CNNM1: variants seen among roughly 807,000 people sequenced by gnomAD.
CNNM1 encodes cyclin and CBS domain divalent metal cation transport mediator 1, also known as metal transporter CNNM1.
In CNNM1, 44 loss-of-function variants were observed where a neutral mutation model predicts 78.8. The ratio of observed to expected loss-of-function variants is 0.56; its 90% CI spans 0.44 to 0.72. The LOEUF (loss-of-function observed/expected upper bound fraction) is 0.72. Ranked by LOEUF, CNNM1 falls within the 30% of genes least tolerant of loss-of-function variation. The probability of loss-of-function intolerance (pLI) is 0.00; values close to 1 mark genes in which losing one functional copy is unlikely to be tolerated. For missense variants in CNNM1, 1,101 were observed against 1,292.2 expected (o/e 0.85, Z 2.27); for synonymous variants, 584 against 581.5 (o/e 1.00, Z -0.06).
intron 5 of CNNM1, among the ~76,000 whole-genome samples, chr10:99,364,729 T>C (rs1348170979): frequency 6.6e-6 from 1 of 152,226 alleles, no homozygotes; most frequent in African/African-American, 2.4e-5. Context: ...AAAATTGAAT[T>C]GTAAAAAGCA....
chr10:99,367,880 T>TA (rs11416394), intron 6 of CNNM1, among the ~76,000 whole-genome samples: 150,471 of 152,280 alleles, frequency 0.99, 74,341 homozygotes, highest in East Asian at 1. Flanking sequence ...GCTGGACTGT[T>TA]ATACACACTG....
intron 6 of CNNM1, among the ~76,000 whole-genome samples, chr10:99,372,797 TGCGCAATACTCAGAGGG>T (rs2031845015): frequency 6.6e-6 from 1 of 152,190 alleles, no homozygotes; most frequent in Admixed American, 6.5e-5. Context: ...ACATTGATCT[TGCGCAATACTCAGAGGG>T]GCCGGGACTT....
chr10:99,365,630 T>C (rs962646267), intron 6 of CNNM1, among the ~76,000 whole-genome samples: 3 of 152,206 alleles, frequency 2.0e-5, no homozygotes, highest in Non-Finnish European at 4.4e-5. Context: ...TGTGTAGTTA[T>C]TGCACTTGTG....
chr10:99,353,880 G>T (rs143498263), intron 1 of CNNM1, among the ~76,000 whole-genome samples: 2 of 152,148 alleles, frequency 1.3e-5, no homozygotes, highest in Non-Finnish European at 2.9e-5. Flanking sequence ...CTATTCCTTG[G>T]TGATAACATA....
intron 1 of CNNM1, among the ~76,000 whole-genome samples, chr10:99,353,314 G>A (rs535382950): frequency 4.6e-5 from 7 of 152,130 alleles, no homozygotes; most frequent in Non-Finnish European, 1.0e-4. Context: ...TCACGGGTGG[G>A]GGTGGGGATC....
intron 4 of CNNM1, 105 bp from the exon 5 acceptor site, chr10:99,364,312 C>T: frequency 1.3e-6 from 1 of 769,480 alleles, no homozygotes; most frequent in Non-Finnish European, 2.1e-6. Context: ...GAACATGGGT[C>T]TAGTCCACTT....
chr10:99,359,980 A>G (rs1400850520), intron 2 of CNNM1, among the ~76,000 whole-genome samples: 1 of 150,522 alleles, frequency 6.6e-6, no homozygotes, highest in African/African-American at 2.4e-5. Context: ...ATATATTTAG[A>G]CAAGCTTTAA....
intron 1 of CNNM1, among the ~76,000 whole-genome samples, chr10:99,342,933 G>C (rs966022824): frequency 6.6e-6 from 1 of 152,006 alleles, no homozygotes; most frequent in Admixed American, 6.6e-5. Flanking sequence ...ATGGAAACTT[G>C]GTGATCACCT....
At chr10:99,368,783 G>A in intron 6 of CNNM1, 2 of 753,360 alleles carry the variant, frequency 2.7e-6, no homozygotes, top group East Asian at 6.5e-5. Context: ...CACTCCAACA[G>A]GCACTCCTGT....
At chr10:99,349,747 T>C (rs2030861301) in intron 1 of CNNM1, among the ~76,000 whole-genome samples, 1 of 152,184 alleles carries the variant, frequency 6.6e-6, no homozygotes, top group Non-Finnish European at 1.5e-5. Context: ...ACGCCCGTAA[T>C]CCCAGCACTT....
chr10:99,332,369 A>G (rs1394385331), intron 1 of CNNM1, among the ~76,000 whole-genome samples: 1 of 152,170 alleles, frequency 6.6e-6, no homozygotes, highest in Non-Finnish European at 1.5e-5. Context: ...ATAGCTTCCT[A>G]ATGGCTAGCA....
intron 6 of CNNM1, among the ~76,000 whole-genome samples, chr10:99,366,812 T>C (rs2031636157): frequency 6.6e-6 from 1 of 152,160 alleles, no homozygotes; most frequent in African/African-American, 2.4e-5. Flanking sequence ...AGAAGGAAGA[T>C]GTTATCTGAT....
chr10:99,390,314 A>T lies in CNNM1; in HGVS notation c.2683A>T (p.Ser895Cys). 1.2e-6 allele frequency: 2 copies of T among 1,611,726 alleles called. No individual in the cohort carries two copies. The highest frequency in any genetic ancestry group is 1.7e-6 in the Non-Finnish European group (2 of 1,178,750). Reference protein sequence around the residue: ...AAVPTRAASDSECCNINLDTE... With the variant: ...AAVPTRAASDCECCNINLDTE... ...CTCCTTTCCTTTCTCAGCATCAGAT[A>T]GTGAATGTTGTAACATCAACCTGGA... Residue 895 changes from serine (S) to cysteine (C), a missense_variant, in exon 10 of 11, where the codon AGT becomes TGT. Physicochemically the swap from Ser to Cys is moderately radical, Grantham distance 112 (BLOSUM62 -1). This residue lies in a region of CNNM1 where 348 missense variants were observed against 384.5 expected (regional missense o/e 0.90). Coordinates refer to ENST00000356713, the MANE Select transcript of CNNM1 (RefSeq NM_020348.3).
chr10:99,356,969 C>A lies in CNNM1; in HGVS notation c.1574-543C>A, dbSNP rs143092282. 4.6e-5 allele frequency among the ~76,000 whole-genome samples: 7 copies of A among 152,274 alleles called. No individual in the cohort carries two copies. In the South Asian group the frequency reaches 6.2e-4, roughly 14 times the overall value. ...TTGGTTGAAGTAGTCACAAGCCCCC[C>A]CAGATTCAAGGGGAGGGGCTGTAGA... On this transcript the variant is annotated intron_variant, in intron 1 of 10. Coordinates refer to ENST00000356713, the MANE Select transcript of CNNM1 (RefSeq NM_020348.3).
chr10:99,357,104 A>T (rs1047079968), intron 1 of CNNM1, among the ~76,000 whole-genome samples: 5 of 152,154 alleles, frequency 3.3e-5, no homozygotes, highest in Middle Eastern at 3.2e-3. Flanking sequence ...AGATTAAATG[A>T]TTTGTCAAGG....
chr10:99,342,862 A>G (rs2001291), intron 1 of CNNM1, among the ~76,000 whole-genome samples: 52,882 of 152,098 alleles, frequency 0.35, 12,534 homozygotes, highest in African/African-American at 0.68. Context: ...CTGTAAAACC[A>G]AACTGTTTTG....
intron 7 of CNNM1, 118 bp downstream of exon 7, chr10:99,377,336 C>A: frequency 1.0e-6 from 1 of 966,816 alleles, no homozygotes; most frequent in Non-Finnish European, 1.6e-6. Context: ...CCCTGTGTTC[C>A]AATACAGTGC....
At chr10:99,348,698 T>A (rs1452945940) in intron 1 of CNNM1, among the ~76,000 whole-genome samples, 1 of 152,106 alleles carries the variant, frequency 6.6e-6, no homozygotes, top group Non-Finnish European at 1.5e-5. Context: ...CCTATTTGGG[T>A]AAGTGATTTT....
chr10:99,376,989 C>CA, intron 6 of CNNM1, 66 bp from the exon 7 acceptor site: 1 of 1,293,398 alleles, frequency 7.7e-7, no homozygotes, highest in Non-Finnish European at 1.1e-6. Context: ...CCCTGTCTCC[C>CA]TCCCTCCCCC....
Sources: allele counts gnomAD v4.1 joint callset (sites outside exome capture counted in the v4.1 genomes callset), GRCh38; gene constraint gnomAD v4.1.1; regional missense constraint gnomAD v4.1.1; transcripts MANE v1.5; gene names NCBI Gene and HGNC (gene_info 2026-07-23, HGNC 2026-07-21).